SYNE1: variants seen among roughly 807,000 people sequenced by gnomAD.
The protein encoded by SYNE1 is spectrin repeat containing nuclear envelope protein 1.
Under a neutral mutation model 1,111.0 loss-of-function variants are expected in SYNE1, and 616 were observed. The ratio of observed to expected loss-of-function variants is 0.55; its 90% confidence interval spans 0.52 to 0.59. SYNE1 has a LOEUF of 0.59. Ranked by LOEUF, SYNE1 falls within the 20% of genes least tolerant of loss-of-function variation. SYNE1 has a pLI of 0.00. For synonymous variants in SYNE1, 3,855 were observed against 3,825.8 expected, an observed-to-expected ratio of 1.01 and a Z score of -0.28; for missense variants, 10,006 against 10,417.0, an observed-to-expected ratio of 0.96 and a Z score of 1.72.
Position 152,330,114 on chromosome 6 carries a change from C to G in SYNE1, c.14571G>C (p.Gln4857His). 1.2e-6 allele frequency: 2 copies of G among 1,614,202 alleles called. No individual in the cohort carries two copies. Among genetic ancestry groups the G allele is most frequent in the Non-Finnish European group, 1.7e-6 (2 of 1,180,042 alleles). The change falls in exon 78 of 146, where the codon CAG becomes CAC. Residue 4857 changes from glutamine (Q) to histidine (H), a missense_variant. Gln to His is a conservative substitution (Grantham distance 24). Around this residue, in one of 7 missense-constraint regions of SYNE1, gnomAD observed 4,955 missense variants for 5,017.2 expected, o/e 0.99. Transcript: ENST00000367255. ...DPLAYEKARH[Q>H]IQSWQGELKL... Reference sequence around the variant, plus strand: ...TTAACTCCCCTTGCCAGGACTGGATCTGATGCCTGGCTTTCTCATAAGCCA... The same window carrying G: ...TTAACTCCCCTTGCCAGGACTGGATGTGATGCCTGGCTTTCTCATAAGCCA...
chr6:152,358,336 T>G (rs748169603), intron 66 of SYNE1, 37 bp downstream of exon 66: 1 of 1,613,834 alleles, frequency 6.2e-7, no homozygotes. Context: ...ATATTCAGAA[T>G]GAAGATTCCT....
Position 152,133,475 on chromosome 6 carries a change from T to C in SYNE1, c.25802A>G (p.Glu8601Gly). The change falls in exon 143 of 146, where the codon GAG becomes GGG. Residue 8601 changes from glutamate to glycine, a missense_variant. By Grantham distance (98) the Glu-to-Gly change is moderately conservative (BLOSUM62 -2). Coordinates refer to ENST00000367255, the MANE Select transcript of SYNE1 (RefSeq NM_182961.4). ...HHKQLMQIKH[E>G]LLESQLRVAS... ...TACTCTGAGTTGGGATTCCAACAGC[T>C]CATGCTTTATTTGCTATGCATACAA... 6.2e-7 allele frequency: 1 copy of C among 1,614,214 alleles called. No homozygotes were observed. Among genetic ancestry groups the C allele is most frequent in the Non-Finnish European group, 8.5e-7 (1 of 1,180,022 alleles).
At position 152,255,654 on chromosome 6, in the gene SYNE1, T is replaced by G. The variant is rs2090633895; in HGVS notation, c.19197A>C (p.Glu6399Asp). ...AAAGTGCTGTGGCAACAAATAAACG[T>G]TCTTCAACGTCATCCAACCAAGTAG... ...ATSTWLDDVE[E>D]RLFVATALLP... The change falls in exon 103 of 146, where the codon GAA (glutamate) becomes GAC (aspartate). Residue 6399 changes from glutamate to aspartate, a missense_variant. Glu to Asp is a conservative substitution (Grantham distance 45). Around this residue, in one of 7 missense-constraint regions of SYNE1, gnomAD observed 2,182 missense variants for 2,287.8 expected, o/e 0.95. Coordinates refer to ENST00000367255, the MANE Select transcript of SYNE1 (RefSeq NM_182961.4). 6.2e-7 allele frequency: 1 copy of G among 1,614,092 alleles called. No homozygotes were observed. Among genetic ancestry groups the G allele is most frequent in the African/African-American group, 1.3e-5 (1 of 74,940 alleles).
At chr6:152,185,886 C>T (rs544866258) in intron 128 of SYNE1, among the ~76,000 whole-genome samples, 299 of 152,194 alleles carry the variant, frequency 2.0e-3, no homozygotes, top group African/African-American at 6.8e-3. Context: ...AACACTTTTC[C>T]TAAATCAAAA....
chr6:152,254,500 G>A (rs188106686), intron 104 of SYNE1, among the ~76,000 whole-genome samples: 221 of 151,962 alleles, frequency 1.5e-3, no homozygotes, highest in African/African-American at 5.0e-3. Context: ...TTTGCCTGCC[G>A]TGGCCTCCCA....
chr6:152,593,528 G>C (rs1484611274), intron 3 of SYNE1, among the ~76,000 whole-genome samples: 1 of 152,004 alleles, frequency 6.6e-6, no homozygotes, highest in Non-Finnish European at 1.5e-5. Context: ...CTTATAGTGA[G>C]CTGAGATTGT....
intron 105 of SYNE1, among the ~76,000 whole-genome samples, chr6:152,247,197 C>G (rs763268996): frequency 2.7e-4 from 41 of 152,312 alleles, no homozygotes; most frequent in South Asian, 2.1e-4. Context: ...AACAGCACAA[C>G]TCAAGAGATG....
In SYNE1 at chr6:152,237,161, C is replaced by T. The variant is rs184729604; in HGVS notation, c.20068-213G>A. ...ATTGTGAATGGGCTCTGGAATCTGCCACTAAGCCCCTTTACAACTGTGAGT... is the reference window on the plus strand; with the variant it reads ...ATTGTGAATGGGCTCTGGAATCTGCTACTAAGCCCCTTTACAACTGTGAGT... On this transcript the variant is annotated intron_variant, in intron 108 of 145. Coordinates refer to ENST00000367255, the MANE Select transcript of SYNE1 (RefSeq NM_182961.4). 2.6e-5 allele frequency among the ~76,000 whole-genome samples: 4 copies of T among 152,258 alleles called. No homozygotes were observed. In the East Asian group the frequency reaches 7.7e-4, roughly 29 times the overall value.
rs1369088999 is a variant in SYNE1 at position 152,636,722 on chromosome 6, C to A, written c.-308G>T. On this transcript the variant is annotated 5_prime_UTR_variant, in exon 2 of 146. Coordinates refer to ENST00000367255, the MANE Select transcript of SYNE1 (RefSeq NM_182961.4). Reference sequence around the variant, plus strand: ...CCCGGCTCTCTGCGCCCAGGCTCGGCGGGACCCCGGGGATGCGCGGCTGTC... The same window carrying A: ...CCCGGCTCTCTGCGCCCAGGCTCGGAGGGACCCCGGGGATGCGCGGCTGTC... The A allele has an allele frequency of 6.6e-6, 1 of 152,250 alleles. No individual in the cohort carries two copies. Among genetic ancestry groups the A allele is most frequent in the Non-Finnish European group, 1.5e-5 (1 of 68,086 alleles). 9.4% of individuals were successfully genotyped at this position (152,250 alleles called of 1,614,324 possible). A position where few individuals can be genotyped will look rare whatever the true frequency, so the allele number is the denominator to read the frequency against.
At position 152,267,883 on chromosome 6, in the gene SYNE1, A is replaced by G. The variant is rs1328154015; in HGVS notation, c.18815+173T>C. On this transcript the variant is annotated intron_variant, in intron 100 of 145. Transcript: ENST00000367255. ...TAAGCTTACTACAGGCGCTATGCTC[A>G]GGCAATGCAACAGAATGTTCAAAAT... is the stretch of plus-strand genomic sequence containing the variant. Among the ~76,000 whole-genome samples, 4 of 152,212 alleles carry G rather than the reference A, an allele frequency of 2.6e-5. No individual in the cohort carries two copies. In the East Asian group the frequency reaches 7.7e-4, roughly 29 times the overall value.
intron 119 of SYNE1, 125 bp downstream of exon 119, chr6:152,220,717 A>G (rs1312241310): frequency 3.4e-6 from 3 of 878,592 alleles, no homozygotes; most frequent in Non-Finnish European, 5.8e-6. Context: ...CTTTGATCCT[A>G]AGACAGTTAT....
intron 47 of SYNE1, 123 bp from the exon 48 acceptor site, chr6:152,399,946 C>T: frequency 2.6e-6 from 3 of 1,137,118 alleles, no homozygotes; most frequent in Non-Finnish European, 2.5e-6. Flanking sequence ...ATGGTGTATA[C>T]ATTTTGGTGC....
intron 91 of SYNE1, 102 bp downstream of exon 91, chr6:152,308,387 G>A (rs1183616161): frequency 1.4e-5 from 22 of 1,538,592 alleles, no homozygotes; most frequent in Non-Finnish European, 2.0e-5. Context: ...CACATTAAGT[G>A]CAGGACAGGG....
intron 76 of SYNE1, chr6:152,336,578 C>G (rs2096394580): frequency 5.8e-6 from 3 of 514,572 alleles, no homozygotes; most frequent in Non-Finnish European, 1.1e-5. Context: ...CTATGAGAAT[C>G]TGATGTGGCC....
chr6:152,374,775 A>AAAAT (rs142488346), intron 58 of SYNE1, among the ~76,000 whole-genome samples: 38 of 149,676 alleles, frequency 2.5e-4, no homozygotes, highest in South Asian at 8.5e-4. Flanking sequence ...ACTTTTCTCA[A>AAAAT]AAATAAATAA....
At chr6:152,584,120 G>A (rs77338250) in intron 3 of SYNE1, among the ~76,000 whole-genome samples, 1,999 of 152,176 alleles carry the variant, frequency 0.013, 17 homozygotes, top group Non-Finnish European at 0.021. Flanking sequence ...CTTGTGCCTC[G>A]ATACCCTTAT....
At chr6:152,129,307 A>G (rs1199532565) in intron 145 of SYNE1, 1 of 152,242 alleles carries the variant, frequency 6.6e-6, no homozygotes, top group East Asian at 1.9e-4. Flanking sequence ...TATCATTTGT[A>G]TCAACCAAAG....
Position 152,465,331 on chromosome 6 carries a change from T to G in SYNE1, c.1859A>C (p.Asn620Thr). 1 of 1,613,876 alleles carries G rather than the reference T, an allele frequency of 6.2e-7. No individual in the cohort carries two copies. Among genetic ancestry groups the G allele is most frequent in the African/African-American group, 1.3e-5 (1 of 75,030 alleles). Residue 620 changes from asparagine to threonine, a missense_variant, in exon 18 of 146, where the codon AAT becomes ACT. Asn to Thr is a moderately conservative substitution (Grantham distance 65, BLOSUM62 0). Around this residue, in one of 7 missense-constraint regions of SYNE1, gnomAD observed 1,971 missense variants for 2,084.1 expected, o/e 0.95. Coordinates refer to ENST00000367255, the MANE Select transcript of SYNE1 (RefSeq NM_182961.4). Reference sequence around the variant, plus strand: ...CCAGGCTTGCAGACTAGCCACTGTATTGCCATAGCGATCCCAGTTAGAGAT... The same window carrying G: ...CCAGGCTTGCAGACTAGCCACTGTAGTGCCATAGCGATCCCAGTTAGAGAT... ...EVISNWDRYG[N>T]TVASLQAWLE... is the part of the protein sequence containing the mutation.
chr6:152,368,054 A>T (rs1175958363), intron 61 of SYNE1: 1 of 155,324 alleles, frequency 6.4e-6, no homozygotes, highest in South Asian at 2.0e-4. Context: ...TAGAATAAAA[A>T]TGGGTGTAAA....
Sources: allele counts gnomAD v4.1 joint callset (sites outside exome capture counted in the v4.1 genomes callset), GRCh38; gene constraint gnomAD v4.1.1; regional missense constraint gnomAD v4.1.1; transcripts MANE v1.5; gene names NCBI Gene and HGNC (gene_info 2026-07-23, HGNC 2026-07-21).